TAFA5: variants seen among roughly 807,000 people sequenced by gnomAD.
TAFA5 encodes the protein chemokine-like protein TAFA-5.
Under a neutral mutation model 15.3 loss-of-function variants are expected in TAFA5, and 6 were observed. The observed-to-expected ratio is 0.39, with a 90% CI of 0.21 to 0.77. TAFA5 has a LOEUF of 0.77. TAFA5 is among the 30% of genes least tolerant of loss of function. The probability of loss-of-function intolerance (pLI) is 0.41; values close to 1 mark genes in which losing one functional copy is unlikely to be tolerated. For synonymous variants in TAFA5, 103 were observed against 80.7 expected (o/e 1.28, Z -1.48); for missense variants, 161 against 193.1 (o/e 0.83, Z 0.98).
chr22:48,728,301 T>G (rs771227081), intron 3 of TAFA5, among the ~76,000 whole-genome samples: 1 of 152,232 alleles, frequency 6.6e-6, no homozygotes, highest in Non-Finnish European at 1.5e-5. Context: ...CAGGACTTTC[T>G]TATAATTTAT....
At chr22:48,605,836 C>G (rs1009673857) in intron 1 of TAFA5, among the ~76,000 whole-genome samples, 1 of 152,188 alleles carries the variant, frequency 6.6e-6, no homozygotes, top group Non-Finnish European at 1.5e-5. Flanking sequence ...TCCCCACCCA[C>G]AGTTGGGATG....
intron 2 of TAFA5, among the ~76,000 whole-genome samples, chr22:48,669,250 A>G (rs1927725124): frequency 6.6e-6 from 1 of 152,236 alleles, no homozygotes. Flanking sequence ...CAGCCTGCGT[A>G]CACTAAGGCA....
At chr22:48,601,564 C>T (rs1245015037) in intron 1 of TAFA5, among the ~76,000 whole-genome samples, 3 of 152,064 alleles carry the variant, frequency 2.0e-5, no homozygotes, top group Admixed American at 6.5e-5. Context: ...TGACCTCAGG[C>T]GATCCTCCCA....
chr22:48,721,694 G>A (rs2147261228), intron 3 of TAFA5, among the ~76,000 whole-genome samples: 1 of 152,296 alleles, frequency 6.6e-6, no homozygotes, highest in African/African-American at 2.4e-5. Flanking sequence ...TCAGGGTGGG[G>A]CACAGTGGCT....
chr22:48,695,114 G>T (rs572564792), intron 2 of TAFA5, among the ~76,000 whole-genome samples: 1 of 152,140 alleles, frequency 6.6e-6, no homozygotes, highest in Non-Finnish European at 1.5e-5. Context: ...GGTGGTGTGT[G>T]TGTCTTTGTG....
At chr22:48,502,830 T>C (rs374337124) in intron 1 of TAFA5, among the ~76,000 whole-genome samples, 1 of 151,998 alleles carries the variant, frequency 6.6e-6, no homozygotes, top group Non-Finnish European at 1.5e-5. Context: ...TGGCCAAGAG[T>C]GGCCTCTATT....
At chr22:48,592,641 G>GCCTC (rs1161710737) in intron 1 of TAFA5, among the ~76,000 whole-genome samples, 19 of 151,838 alleles carry the variant, frequency 1.3e-4, no homozygotes, top group Admixed American at 2.6e-4. Flanking sequence ...GGTATCTGCT[G>GCCTC]CCTCCCTCCC....
intron 1 of TAFA5, among the ~76,000 whole-genome samples, chr22:48,568,148 C>T (rs1210479531): frequency 2.0e-5 from 3 of 152,238 alleles, no homozygotes; most frequent in Non-Finnish European, 2.9e-5. Flanking sequence ...ACTGAGCCCA[C>T]AGGGCCTGCC....
intron 1 of TAFA5, among the ~76,000 whole-genome samples, chr22:48,503,204 C>A (rs1920962908): frequency 6.6e-6 from 1 of 152,200 alleles, no homozygotes; most frequent in Non-Finnish European, 1.5e-5. Context: ...AAGGCAGGGG[C>A]TTCCAGAGAG....
chr22:48,627,753 C>G (rs554021104), intron 1 of TAFA5, among the ~76,000 whole-genome samples: 1 of 152,326 alleles, frequency 6.6e-6, no homozygotes, highest in East Asian at 1.9e-4. Context: ...CACGCCTGGG[C>G]TGATGTGGAG....
At chr22:48,614,159 C>G (rs1460487435) in intron 1 of TAFA5, among the ~76,000 whole-genome samples, 2 of 152,190 alleles carry the variant, frequency 1.3e-5, no homozygotes, top group Non-Finnish European at 2.9e-5. Context: ...TCTGGGGCCC[C>G]CAGGCGCCCT....
In TAFA5 at chr22:48,507,286, G is replaced by A. The variant is rs148616202; in HGVS notation, c.112+17582G>A. On this transcript the variant is annotated intron_variant, in intron 1 of 3. Transcript: ENST00000402357. ...GAGGAGAAGGAGACAGTCATCAAGG[G>A]CCAGGTGTGCAGTTGGAGGAGTGGC... Among the ~76,000 whole-genome samples, 16 of 151,222 alleles carry A rather than the reference G, an allele frequency of 1.1e-4. 1 individual carries two copies. The East Asian group carries it at 2.8e-3, about 26-fold the overall frequency.
chr22:48,559,315 G>T (rs1923147450), intron 1 of TAFA5, among the ~76,000 whole-genome samples: 1 of 152,204 alleles, frequency 6.6e-6, no homozygotes, highest in Non-Finnish European at 1.5e-5. Flanking sequence ...TGGAGGGATG[G>T]CTCTGACTCT....
intron 1 of TAFA5, among the ~76,000 whole-genome samples, chr22:48,526,316 A>G (rs1321240492): frequency 6.6e-6 from 1 of 152,122 alleles, no homozygotes; most frequent in Admixed American, 6.5e-5. Flanking sequence ...GAGCCGAGGG[A>G]GCTTTCCACC....
intron 1 of TAFA5, among the ~76,000 whole-genome samples, chr22:48,626,314 C>T (rs1306891563): frequency 2.0e-5 from 3 of 152,286 alleles, no homozygotes; most frequent in African/African-American, 4.8e-5. Context: ...CCCCGCCGGC[C>T]GTGAAGGAGC....
At chr22:48,664,405 G>A (rs1490519851) in intron 2 of TAFA5, among the ~76,000 whole-genome samples, 5 of 152,182 alleles carry the variant, frequency 3.3e-5, no homozygotes, top group Admixed American at 1.3e-4. Context: ...CTTGTGAAAC[G>A]ACGTCTGTAC....
At chr22:48,515,917 G>A (rs145367646) in intron 1 of TAFA5, among the ~76,000 whole-genome samples, 47 of 141,892 alleles carry the variant, frequency 3.3e-4, no homozygotes, top group Admixed American at 2.3e-3. Flanking sequence ...GGCAGGTGTC[G>A]TTCCTCCAGG....
intron 2 of TAFA5, among the ~76,000 whole-genome samples, chr22:48,670,984 T>C (rs1335145101): frequency 6.6e-6 from 1 of 152,156 alleles, no homozygotes; most frequent in Non-Finnish European, 1.5e-5. Context: ...ACCCATAAAT[T>C]TGGAGGCCAG....
chr22:48,668,413 C>T (rs1348041781), intron 2 of TAFA5, among the ~76,000 whole-genome samples: 9 of 33,600 alleles, frequency 2.7e-4, no homozygotes, highest in Admixed American at 3.6e-4. Context: ...CACTCGGGGC[C>T]GCGTTTTCAC....
Sources: allele counts gnomAD v4.1 joint callset (sites outside exome capture counted in the v4.1 genomes callset), GRCh38; gene constraint gnomAD v4.1.1; transcripts MANE v1.5; gene names NCBI Gene and HGNC (gene_info 2026-07-23, HGNC 2026-07-21).